HAAO: variants seen among roughly 807,000 people sequenced by gnomAD.
HAAO encodes 3-hydroxyanthranilate 3,4-dioxygenase.
Under a neutral mutation model 46.2 loss-of-function variants are expected in HAAO, and 49 were observed. The observed-to-expected ratio is 1.06, with a 90% CI of 0.84 to 1.34. The LOEUF (loss-of-function observed/expected upper bound fraction) is 1.34, where lower values mean the gene tolerates loss of function less well. Among genes scored for constraint, HAAO ranks in the 40% most tolerant of loss-of-function variants. The pLI, the probability that HAAO is intolerant of heterozygous loss-of-function variation, is 0.00. For missense variants in HAAO, 408 were observed against 364.5 expected, an observed-to-expected ratio of 1.12 and a Z score of -0.97; for synonymous variants, 157 against 145.2, an observed-to-expected ratio of 1.08 and a Z score of -0.58.
intron 4 of HAAO, among the ~76,000 whole-genome samples, chr2:42,777,104 C>T (rs1026518582): frequency 5.3e-5 from 8 of 151,396 alleles, no homozygotes; most frequent in Non-Finnish European, 1.0e-4. Context: ...GGGTTTGAGA[C>T]CAGCCTGGCC....
intron 2 of HAAO, among the ~76,000 whole-genome samples, chr2:42,785,096 C>T (rs1455594320): frequency 6.6e-6 from 1 of 152,186 alleles, no homozygotes; most frequent in East Asian, 1.9e-4. Context: ...TTGGTCAATT[C>T]AGTTAGCCTT....
intron 4 of HAAO, among the ~76,000 whole-genome samples, chr2:42,781,291 A>C (rs1389597599): frequency 6.6e-6 from 1 of 152,162 alleles, no homozygotes; most frequent in African/African-American, 2.4e-5. Flanking sequence ...ATTTGACTGG[A>C]ATGGTGTGCT....
intron 2 of HAAO, 141 bp from the exon 3 acceptor site, chr2:42,784,008 G>C: frequency 2.1e-6 from 3 of 1,455,292 alleles, no homozygotes; most frequent in Non-Finnish European, 1.8e-6. Flanking sequence ...CGTCACTTCT[G>C]TCCTGAGGCC....
intron 4 of HAAO, among the ~76,000 whole-genome samples, chr2:42,770,933 C>T (rs1671065827): frequency 6.6e-6 from 1 of 152,238 alleles, no homozygotes; most frequent in African/African-American, 2.4e-5. Context: ...GCAGGCCAGT[C>T]TCAAGACAAT....
intron 1 of HAAO, 56 bp from the exon 2 acceptor site, chr2:42,788,663 G>C: frequency 8.7e-7 from 1 of 1,143,824 alleles, no homozygotes; most frequent in Non-Finnish European, 1.3e-6. Context: ...AGTGAAGAGA[G>C]CACGGGTCCC....
chr2:42,784,127 G>A (rs1004258401), intron 2 of HAAO, among the ~76,000 whole-genome samples: 39 of 152,264 alleles, frequency 2.6e-4, no homozygotes, highest in African/African-American at 9.2e-4. Flanking sequence ...CCTGGCTGGC[G>A]GGCAGGAACT....
intron 4 of HAAO, among the ~76,000 whole-genome samples, chr2:42,772,740 G>A (rs1671231245): frequency 6.6e-6 from 1 of 151,976 alleles, no homozygotes; most frequent in African/African-American, 2.4e-5. Context: ...GAGAATGAAT[G>A]TGTATGACTT....
intron 4 of HAAO, among the ~76,000 whole-genome samples, chr2:42,780,501 C>T (rs568022358): frequency 4.0e-5 from 6 of 151,364 alleles, no homozygotes; most frequent in South Asian, 2.1e-4. Flanking sequence ...CCACCGCGCC[C>T]GGCGAACACA....
chr2:42,788,777 G>T (rs1202628008), intron 1 of HAAO, among the ~76,000 whole-genome samples, 170 bp from the exon 2 acceptor site: 1 of 152,206 alleles, frequency 6.6e-6, no homozygotes, highest in East Asian at 1.9e-4. Flanking sequence ...ATGCCTGCGT[G>T]CATCTAAGTG....
At chr2:42,770,442 T>C in intron 5 of HAAO, 51 bp downstream of exon 5, 2 of 1,303,440 alleles carry the variant, frequency 1.5e-6, no homozygotes, top group Non-Finnish European at 2.1e-6. Flanking sequence ...CATCAGGTGC[T>C]GATGCAGAGC....
intron 4 of HAAO, among the ~76,000 whole-genome samples, chr2:42,779,262 G>T (rs892434908): frequency 2.6e-5 from 4 of 151,990 alleles, no homozygotes; most frequent in African/African-American, 9.7e-5. Flanking sequence ...GGTTATGAAA[G>T]GTTTATGGAA....
chr2:42,775,530 GT>G (rs1671486780), intron 4 of HAAO, among the ~76,000 whole-genome samples: 1 of 60,406 alleles, frequency 1.7e-5, no homozygotes, highest in Non-Finnish European at 3.2e-5. Flanking sequence ...CATCCAAGGG[GT>G]GTGTGTGTGT....
At chr2:42,788,891 G>C in intron 1 of HAAO, 1 of 414,030 alleles carries the variant, frequency 2.4e-6, no homozygotes, top group East Asian at 4.8e-5. Context: ...TGAATCTATG[G>C]CTTCATCAAC....
At position 42,792,487 on chromosome 2, in the gene HAAO, G is replaced by A. The variant is rs372375191; in HGVS notation, c.50C>T (p.Ser17Phe). 8 of 1,591,662 alleles carry A rather than the reference G, an allele frequency of 5.0e-6. No homozygotes were observed. In the Admixed American group the frequency reaches 6.9e-5, roughly 14 times the overall value. ...CTTGTTGCAGACCGGGGGCTGGAAGGAGCCCCGGTTCTCCTTCACCCAGGC... is the reference window on the plus strand; with the variant it reads ...CTTGTTGCAGACCGGGGGCTGGAAGAAGCCCCGGTTCTCCTTCACCCAGGC... ...VRAWVKENRG[S>F]FQPPVCNKLM... Residue 17 changes from serine (S) to phenylalanine (F), a missense_variant, in exon 1 of 10, where the codon TCC becomes TTC. Physicochemically the swap from Ser to Phe is radical, Grantham distance 155 (BLOSUM62 -2). Coordinates refer to ENST00000294973, the MANE Select transcript of HAAO (RefSeq NM_012205.3).
At chr2:42,770,946 T>C (rs1001995840) in intron 4 of HAAO, among the ~76,000 whole-genome samples, 3 of 152,214 alleles carry the variant, frequency 2.0e-5, no homozygotes, top group Admixed American at 6.5e-5. Context: ...AAGACAATCT[T>C]AAAAACTTAG....
At chr2:42,770,883 A>G (rs573226399) in intron 4 of HAAO, among the ~76,000 whole-genome samples, 10 of 152,362 alleles carry the variant, frequency 6.6e-5, no homozygotes, top group African/African-American at 1.9e-4. Flanking sequence ...ACAGAAGCTG[A>G]GCAATTTGCC....
chr2:42,788,055 C>T (rs1373222771), intron 2 of HAAO, among the ~76,000 whole-genome samples: 2 of 152,166 alleles, frequency 1.3e-5, no homozygotes, highest in Non-Finnish European at 2.9e-5. Flanking sequence ...ACCCCTCAGC[C>T]ACTAGCTCCT....
chr2:42,778,945 C>G (rs568210863), intron 4 of HAAO, among the ~76,000 whole-genome samples: 2 of 152,084 alleles, frequency 1.3e-5, no homozygotes, highest in East Asian at 3.9e-4. Flanking sequence ...GAAACCTTGT[C>G]TCTACTAGAA....
At chr2:42,790,926 A>G (rs888206295) in intron 1 of HAAO, among the ~76,000 whole-genome samples, 6 of 152,218 alleles carry the variant, frequency 3.9e-5, no homozygotes, top group African/African-American at 7.2e-5. Context: ...CTTTCAACCC[A>G]TCAGTCAGAA....
Sources: allele counts gnomAD v4.1 joint callset (sites outside exome capture counted in the v4.1 genomes callset), GRCh38; gene constraint gnomAD v4.1.1; transcripts MANE v1.5; gene names NCBI Gene and HGNC (gene_info 2026-07-23, HGNC 2026-07-21).